Variants in TXNDC11 observed in about 807,000 individuals in gnomAD.
TXNDC11 encodes thioredoxin domain containing 11.
Under a neutral mutation model 78.0 loss-of-function variants are expected in TXNDC11, and 68 were observed. That is an observed-to-expected ratio of 0.87 (90% CI 0.72 to 1.07). The LOEUF (loss-of-function observed/expected upper bound fraction) is 1.07, where lower values mean the gene tolerates loss of function less well. TXNDC11 is among the 50% of genes least tolerant of loss of function. The probability of loss-of-function intolerance (pLI) is 0.00; values close to 1 mark genes in which losing one functional copy is unlikely to be tolerated. For missense variants in TXNDC11, 1,389 were observed against 1,221.8 expected, an observed-to-expected ratio of 1.14 and a Z score of -2.04; for synonymous variants, 571 against 495.2, an observed-to-expected ratio of 1.15 and a Z score of -2.03.
chr16:11,738,627 G>A (rs2052297874), intron 1 of TXNDC11, among the ~76,000 whole-genome samples: 1 of 148,120 alleles, frequency 6.8e-6, no homozygotes, highest in Non-Finnish European at 1.5e-5. Context: ...ATGACAAGAA[G>A]ATAGCCACCT....
intron 5 of TXNDC11, among the ~76,000 whole-genome samples, chr16:11,721,104 C>G (rs1430613753): frequency 6.6e-6 from 1 of 151,862 alleles, no homozygotes; most frequent in Admixed American, 6.6e-5. Context: ...AACAGTATTT[C>G]CTGTTTGCTA....
intron 5 of TXNDC11, chr16:11,703,584 T>C: frequency 4.5e-6 from 3 of 660,326 alleles, no homozygotes; most frequent in African/African-American, 1.8e-5. Context: ...TACAGATATA[T>C]GCACATGTGT....
chr16:11,691,636 G>A lies in TXNDC11; in HGVS notation c.1554C>T (p.Gly518=), dbSNP rs202119282. The A allele has an allele frequency of 7.1e-5, 115 of 1,614,102 alleles. No individual in the cohort carries two copies. Among genetic ancestry groups the A allele is most frequent in the Non-Finnish European group, 9.4e-5 (111 of 1,180,050 alleles). Residue 518 remains glycine, a synonymous_variant, in exon 8 of 12, where the codon GGC becomes GGT. Coordinates refer to ENST00000283033, the MANE Select transcript of TXNDC11 (RefSeq NM_015914.7). ...CCRTISRGVS[G]FIDSEQGVFE... ...AGACACCTTGTTCAGAGTCGATGAA[G>A]CCTGACACACCCCTGCTTATGGTCC...
intron 4 of TXNDC11, among the ~76,000 whole-genome samples, chr16:11,726,401 T>G (rs927719097): frequency 4.6e-5 from 7 of 151,736 alleles, no homozygotes; most frequent in African/African-American, 1.7e-4. Context: ...GCTAACAAGG[T>G]GAAACTCCAT....
intron 5 of TXNDC11, among the ~76,000 whole-genome samples, chr16:11,716,164 G>A (rs1037651741): frequency 1.3e-5 from 2 of 152,222 alleles, no homozygotes; most frequent in African/African-American, 4.8e-5. Flanking sequence ...ACCAGGCATT[G>A]CTGCCTCCCA....
intron 1 of TXNDC11, among the ~76,000 whole-genome samples, chr16:11,740,530 G>C (rs1351085304): frequency 6.6e-6 from 1 of 152,206 alleles, no homozygotes; most frequent in Non-Finnish European, 1.5e-5. Context: ...ATTATTTCTA[G>C]ACTTTAACAA....
At chr16:11,719,489 T>C (rs1359573153) in intron 5 of TXNDC11, among the ~76,000 whole-genome samples, 2 of 152,364 alleles carry the variant, frequency 1.3e-5, no homozygotes, top group South Asian at 2.1e-4. Context: ...GTAGATTCTC[T>C]GTCCATAAAA....
rs138194817 is a variant in TXNDC11 at position 11,737,082 on chromosome 16, T to C, written c.255-849A>G. On this transcript the variant is annotated intron_variant, in intron 1 of 11. Coordinates refer to ENST00000283033, the MANE Select transcript of TXNDC11 (RefSeq NM_015914.7). Reference sequence around the variant, plus strand: ...CTAAGAAACAAATGAGACCCAATTATGCACTATCTAAACGAGATAAATAGA... The same window carrying C: ...CTAAGAAACAAATGAGACCCAATTACGCACTATCTAAACGAGATAAATAGA... 7.8e-3 allele frequency among the ~76,000 whole-genome samples: 1,189 copies of C among 152,192 alleles called. 19 individuals are homozygous for C. Among genetic ancestry groups the C allele is most frequent in the African/African-American group, 0.027 (1,128 of 41,512 alleles).
intron 5 of TXNDC11, among the ~76,000 whole-genome samples, chr16:11,705,222 C>G (rs1215044739): frequency 6.6e-6 from 1 of 152,118 alleles, no homozygotes; most frequent in East Asian, 1.9e-4. Flanking sequence ...TTAGTTTGTA[C>G]AAAACCACCT....
rs746704650 is a variant in TXNDC11 at position 11,679,390 on chromosome 16, G to C, written c.2682C>G (p.Leu894=). Residue 894 remains leucine, a synonymous_variant, in exon 12 of 12, where the codon CTC becomes CTG. Transcript: ENST00000283033. This position sits in a 1 kb window ranked among gnomAD's most constrained non-coding sequence, Gnocchi z 4.6. Reference sequence around the variant, plus strand: ...TCTCCATGGTCGCCACCAGGATCTTGAGCCACGTGTTCTCGGTAAGGAGGT... The same window carrying C: ...TCTCCATGGTCGCCACCAGGATCTTCAGCCACGTGTTCTCGGTAAGGAGGT... ...SENLLTENTW[L]KILVATMERK... is the part of the protein sequence containing the mutation. 5.0e-6 allele frequency: 8 copies of C among 1,611,346 alleles called. No homozygotes were observed. In the African/African-American group the frequency reaches 8.0e-5, roughly 16 times the overall value.
In TXNDC11 at chr16:11,679,548, G is replaced by A. The variant is rs2050361677; in HGVS notation, c.2524C>T (p.Gln842Ter). The change falls in exon 12 of 12, where the codon CAG (glutamine) becomes TAG (stop). Residue 842 changes from glutamine (Q) to a stop codon, truncating the protein, a stop_gained. Coordinates refer to ENST00000283033, the MANE Select transcript of TXNDC11 (RefSeq NM_015914.7). LOFTEE classifies it low-confidence loss of function (END_TRUNC). The surrounding 1 kb of genome is among the most constrained non-coding windows in gnomAD (Gnocchi z 4.6). ...RRDEHRLRQQQRALEEQHSLL... is the reference protein window; with the variant it reads ...RRDEHRLRQQ The stretch of plus-strand genomic sequence containing the variant: ...CTGTGCTGCTCTTCCAGGGCCCGCT[G>A]CTGCTGCCGCAGCCGGTGCTCATCT... The A allele has an allele frequency of 5.6e-6, 9 of 1,613,532 alleles. No individual in the cohort carries two copies. Among genetic ancestry groups the A allele is most frequent in the Non-Finnish European group, 7.6e-6 (9 of 1,179,992 alleles).
chr16:11,694,492 G>A (rs997714335), intron 7 of TXNDC11, among the ~76,000 whole-genome samples: 1 of 151,898 alleles, frequency 6.6e-6, no homozygotes, highest in Non-Finnish European at 1.5e-5. Context: ...CAGTTGCACA[G>A]GCTAGAGGGC....
At chr16:11,734,544 G>A (rs2052164185) in intron 2 of TXNDC11, among the ~76,000 whole-genome samples, 4 of 152,110 alleles carry the variant, frequency 2.6e-5, no homozygotes, top group Admixed American at 2.0e-4. Context: ...TGACAGCATC[G>A]CCTTGCAAAG....
At chr16:11,734,225 C>T in intron 2 of TXNDC11, 146 bp from the exon 3 acceptor site, 1 of 654,782 alleles carries the variant, frequency 1.5e-6, no homozygotes, top group Non-Finnish European at 2.7e-6. Flanking sequence ...TTTCAAAGGT[C>T]ATAATTTATC....
intron 4 of TXNDC11, among the ~76,000 whole-genome samples, chr16:11,727,427 G>C (rs1351917916): frequency 1.3e-5 from 2 of 152,066 alleles, no homozygotes; most frequent in Non-Finnish European, 2.9e-5. Flanking sequence ...AAACACACTT[G>C]ATACTGAAAT....
chr16:11,716,832 T>TTC (rs2051539976), intron 5 of TXNDC11, among the ~76,000 whole-genome samples: 1 of 152,064 alleles, frequency 6.6e-6, no homozygotes, highest in Non-Finnish European at 1.5e-5. Context: ...ATTTACAAAG[T>TTC]AAGAACTTAG....
Position 11,679,449 on chromosome 16 carries a change from G to A in TXNDC11, c.2623C>T (p.Arg875Cys), listed in dbSNP as rs768195000. The A allele has an allele frequency of 3.8e-5, 61 of 1,613,322 alleles. No homozygotes were observed. The East Asian group carries it at 4.0e-4, about 11-fold the overall frequency. ...QKTRELQELA[R>C]KLQELADASE... ...GCATCGGCCAGCTCCTGCAGCTTGC[G>A]GGCCAGCTCCTGCAGCTCACGTGTC... Residue 875 changes from arginine to cysteine, a missense_variant, in exon 12 of 12, where the codon CGC becomes TGC. By Grantham distance (180) the Arg-to-Cys change is radical. Coordinates refer to ENST00000283033, the MANE Select transcript of TXNDC11 (RefSeq NM_015914.7). This position sits in a 1 kb window ranked among gnomAD's most constrained non-coding sequence, Gnocchi z 4.6.
rs111887849 is a variant in TXNDC11, at chr16:11,712,929, A to AACACACACACACACACACAC, written c.793+8628_793+8647dup. On this transcript the variant is annotated intron_variant, in intron 5 of 11. Transcript: ENST00000283033. ...ATGGAGAAACCCCATTTCCACTTAAAACACACACACACACACACACACACA... is the reference window on the plus strand; with the variant it reads ...ATGGAGAAACCCCATTTCCACTTAAAACACACACACACACACACACACACACACACACACACACACACACA... Among the ~76,000 whole-genome samples, 1,138 of 142,054 alleles carry AACACACACACACACACACAC rather than the reference A, an allele frequency of 8.0e-3. 12 individuals carry two copies. The highest frequency in any genetic ancestry group is 0.012 in the Non-Finnish European group (786 of 65,432). 93.2% of individuals were successfully genotyped at this position (142,054 alleles called of 152,430 possible). A position where few individuals can be genotyped will look rare whatever the true frequency, so the allele number is the denominator to read the frequency against.
At position 11,742,817 on chromosome 16, in the gene TXNDC11, G is replaced by A. The variant is rs2052451803; in HGVS notation, c.-87C>T. On this transcript the variant is annotated 5_prime_UTR_variant, in exon 1 of 12. Coordinates refer to ENST00000283033, the MANE Select transcript of TXNDC11 (RefSeq NM_015914.7). ...CGGCCCGTTGCTCCCCAATCCCGCA[G>A]CTCGCCGCACCCGCTAACCCGGACG... 1.7e-5 allele frequency: 23 copies of A among 1,370,300 alleles called. 2 individuals carry two copies. The South Asian group carries it at 3.9e-4, about 23-fold the overall frequency. 84.9% of individuals were successfully genotyped at this position (1,370,300 alleles called of 1,614,324 possible).
Sources: allele counts gnomAD v4.1 joint callset (sites outside exome capture counted in the v4.1 genomes callset), GRCh38; gene constraint gnomAD v4.1.1; non-coding constraint Gnocchi (gnomAD v3.1); transcripts MANE v1.5; gene names NCBI Gene and HGNC (gene_info 2026-07-23, HGNC 2026-07-21).